The following TRMT11 variants were observed in gnomAD, a reference collection of about 807,000 sequenced individuals.
TRMT11 encodes tRNA (guanine(10)-N(2))-methyltransferase TRMT11.
A neutral mutation model predicts 62.8 loss-of-function variants in TRMT11; 53 were observed. That is an observed-to-expected ratio of 0.84 (90% CI 0.68 to 1.06). The LOEUF is 1.06. TRMT11 is among the 50% of genes least tolerant of loss of function. The probability of loss-of-function intolerance (pLI) is 0.00; values close to 1 mark genes in which losing one functional copy is unlikely to be tolerated. For missense variants in TRMT11, 556 were observed against 553.4 expected, an observed-to-expected ratio of 1.00 and a Z score of -0.05; for synonymous variants, 188 against 190.3, an observed-to-expected ratio of 0.99 and a Z score of 0.10.
At position 126,065,779 on chromosome 6, in the gene TRMT11, G is replaced by T. The variant is rs973389516; in HGVS notation, c.*1437+12589G>T. The stretch of plus-strand genomic sequence containing the variant: ...TCTTTAGCTGTATACTCTTGGGCAA[G>T]TTGCTTTGTTTCTCTGATGTTGTCC... On this transcript the variant is annotated intron_variant and NMD_transcript_variant, in intron 17 of 22. Coordinates refer to the TRMT11 transcript ENST00000648977. Among the ~76,000 whole-genome samples the T allele has an allele frequency of 5.9e-5, 9 of 152,356 alleles. No homozygotes were observed. In the East Asian group the frequency reaches 1.2e-3, roughly 20 times the overall value.
the TRMT11 span, among the ~76,000 whole-genome samples, chr6:126,215,624 T>TGTA: frequency 6.6e-6 from 1 of 152,070 alleles, no homozygotes; most frequent in East Asian, 1.9e-4. Context: ...AGCTGATTCC[T>TGTA]GGTTTTTTAT....
At position 126,137,771 on chromosome 6, in the gene TRMT11, G is replaced by A. The variant is rs142477351; in HGVS notation, c.*1823+21916G>A. ...AGCAAATATAGTGTATATACACAAC[G>A]GAATATCATTCAGCCATAAAAAAGT... On this transcript the variant is annotated intron_variant and NMD_transcript_variant, in intron 21 of 22. Coordinates refer to the TRMT11 transcript ENST00000648977. 8.0e-3 allele frequency among the ~76,000 whole-genome samples: 1,221 copies of A among 151,806 alleles called. 13 individuals carry two copies. The highest frequency in any genetic ancestry group is 0.028 in the African/African-American group (1,156 of 41,444).
At chr6:126,003,534 C>T (rs1397671147) in intron 7 of TRMT11, among the ~76,000 whole-genome samples, 4 of 152,020 alleles carry the variant, frequency 2.6e-5, no homozygotes, top group Admixed American at 6.6e-5. Context: ...ACAGTCTCAC[C>T]AGCAGAGTAT....
chr6:126,216,327 A>G, the TRMT11 span, among the ~76,000 whole-genome samples: 1 of 152,102 alleles, frequency 6.6e-6, no homozygotes, highest in African/African-American at 2.4e-5. Flanking sequence ...GTAGGCACTT[A>G]TCTGTAAACT....
At chr6:126,243,935 A>G in the TRMT11 span, among the ~76,000 whole-genome samples, 1 of 152,222 alleles carries the variant, frequency 6.6e-6, no homozygotes, top group African/African-American at 2.4e-5. Flanking sequence ...AGTATAATAA[A>G]AAAAGGGCCA....
At chr6:126,047,489 C>T (rs1776092836) in intron 16 of TRMT11, among the ~76,000 whole-genome samples, 2 of 151,944 alleles carry the variant, frequency 1.3e-5, no homozygotes, top group Admixed American at 6.6e-5. Flanking sequence ...CTGAGAGCCA[C>T]CTCTACCACT....
At chr6:125,989,214 C>T (rs1487023104) in intron 1 of TRMT11, among the ~76,000 whole-genome samples, 1 of 150,392 alleles carries the variant, frequency 6.6e-6, no homozygotes, top group African/African-American at 2.5e-5. Flanking sequence ...CTGCAAGCTC[C>T]GCCTCCCTAT....
chr6:126,258,450 A>C, the TRMT11 span: 1 of 267,502 alleles, frequency 3.7e-6, no homozygotes, highest in Non-Finnish European at 7.4e-6. Context: ...CGCTCTGCGC[A>C]GCTCCACGGA....
At chr6:126,165,847 A>G (rs1778252764) in intron 21 of TRMT11, among the ~76,000 whole-genome samples, 1 of 152,146 alleles carries the variant, frequency 6.6e-6, no homozygotes, top group South Asian at 2.1e-4. Flanking sequence ...AGGTTGGAGA[A>G]GTTCTCCTGG....
intron 17 of TRMT11, among the ~76,000 whole-genome samples, chr6:126,085,770 C>T (rs1229985429): frequency 6.6e-6 from 1 of 152,122 alleles, no homozygotes; most frequent in Non-Finnish European, 1.5e-5. Flanking sequence ...AGATATATGT[C>T]AGTATACGTT....
chr6:126,153,865 C>G (rs1778085926), intron 21 of TRMT11, among the ~76,000 whole-genome samples: 1 of 152,164 alleles, frequency 6.6e-6, no homozygotes, highest in Non-Finnish European at 1.5e-5. Context: ...TGATTGTTAA[C>G]CATGTGTGTG....
At chr6:126,208,833 G>A in the TRMT11 span, among the ~76,000 whole-genome samples, 6 of 152,322 alleles carry the variant, frequency 3.9e-5, no homozygotes, top group East Asian at 7.7e-4. Flanking sequence ...CCAGTCCTCC[G>A]TGGATGAACA....
intron 21 of TRMT11, among the ~76,000 whole-genome samples, chr6:126,126,419 G>T (rs1181491081): frequency 6.6e-6 from 1 of 152,096 alleles, no homozygotes; most frequent in African/African-American, 2.4e-5. Context: ...GACCTTCTTA[G>T]ATGTTTCATT....
At chr6:126,116,002 T>C (rs1583879528) in intron 21 of TRMT11, among the ~76,000 whole-genome samples, 1 of 150,646 alleles carries the variant, frequency 6.6e-6, no homozygotes, top group Non-Finnish European at 1.5e-5. Flanking sequence ...TTATTAATGC[T>C]GTTACCTTAG....
At chr6:126,137,819 G>A (rs1777869668) in intron 21 of TRMT11, among the ~76,000 whole-genome samples, 1 of 151,824 alleles carries the variant, frequency 6.6e-6, no homozygotes, top group Non-Finnish European at 1.5e-5. Flanking sequence ...GTCATTTGCA[G>A]CAACATGGAT....
chr6:126,084,731 G>A (rs1777195731), intron 17 of TRMT11, among the ~76,000 whole-genome samples: 1 of 152,168 alleles, frequency 6.6e-6, no homozygotes, highest in Admixed American at 6.5e-5. Flanking sequence ...TGTATATGGT[G>A]TAAAATAAGA....
chr6:126,263,132 T>C, the TRMT11 span, among the ~76,000 whole-genome samples: 1 of 152,196 alleles, frequency 6.6e-6, no homozygotes, highest in African/African-American at 2.4e-5. Flanking sequence ...AAAAGAATTA[T>C]GTTCAGCTCA....
intron 3 of TRMT11, among the ~76,000 whole-genome samples, chr6:126,200,619 A>G (rs1778723858): frequency 6.6e-6 from 1 of 152,168 alleles, no homozygotes; most frequent in South Asian, 2.1e-4. Context: ...CAGTGGCACA[A>G]TCTCGGCTCA....
chr6:125,998,000 C>T (rs375781406), intron 3 of TRMT11, 53 bp from the exon 4 acceptor site: 16 of 1,237,172 alleles, frequency 1.3e-5, no homozygotes, highest in South Asian at 1.1e-4. Context: ...TGTATGTATT[C>T]CTGTGTGAAC....
Sources: gnomAD v4.1 joint callset for allele counts (sites outside exome capture counted in the v4.1 genomes callset) on GRCh38, gnomAD v4.1.1 for gene constraint, MANE v1.5 for transcripts, NCBI Gene and HGNC (gene_info 2026-07-23, HGNC 2026-07-21) for gene names.